The following ZNF892 variants were observed in gnomAD, a reference collection of about 807,000 sequenced individuals.
ZNF892 encodes zinc finger protein 892.
the ZNF892 span, among the ~76,000 whole-genome samples, chr2:95,210,139 A>G: frequency 2.0e-5 from 3 of 148,856 alleles, no homozygotes; most frequent in African/African-American, 7.4e-5. Flanking sequence ...ATGTGTATAC[A>G]TGTATATATG....
the ZNF892 span, among the ~76,000 whole-genome samples, chr2:95,219,751 G>A: frequency 1.3e-5 from 2 of 152,130 alleles, no homozygotes; most frequent in African/African-American, 2.4e-5. Context: ...TGTTGCAGGG[G>A]GTGCTGCCTC....
At chr2:95,232,071 G>GGAAGAGC in the ZNF892 span, 1 of 152,208 alleles carries the variant, frequency 6.6e-6, no homozygotes, top group Non-Finnish European at 1.5e-5. Context: ...GGAAAGCTGG[G>GGAAGAGC]TGGAGGAAGA....
chr2:95,231,050 A>G, the ZNF892 span, among the ~76,000 whole-genome samples: 2 of 152,240 alleles, frequency 1.3e-5, no homozygotes, highest in African/African-American at 4.8e-5. Context: ...TTTCTTATAA[A>G]GATACCCATT....
chr2:95,256,205 G>A, the ZNF892 span, among the ~76,000 whole-genome samples: 1 of 152,202 alleles, frequency 6.6e-6, no homozygotes, highest in African/African-American at 2.4e-5. Context: ...TGCAGTGGCT[G>A]GTACTGGTTG....
chr2:95,223,084 A>G, the ZNF892 span, among the ~76,000 whole-genome samples: 1 of 152,172 alleles, frequency 6.6e-6, no homozygotes, highest in Non-Finnish European at 1.5e-5. Context: ...TTTCTGTTCT[A>G]TTCCATTGAT....
the ZNF892 span, among the ~76,000 whole-genome samples, chr2:95,209,189 CAA>C: frequency 6.6e-6 from 1 of 151,882 alleles, no homozygotes; most frequent in African/African-American, 2.4e-5. Flanking sequence ...CTTTGAAAAA[CAA>C]GAGAGAGTGG....
the ZNF892 span, among the ~76,000 whole-genome samples, chr2:95,260,058 G>A: frequency 1.3e-5 from 2 of 152,198 alleles, no homozygotes; most frequent in African/African-American, 2.4e-5. Flanking sequence ...CTGTCTCCAA[G>A]ATTCACACCC....
At chr2:95,246,947 A>G in the ZNF892 span, among the ~76,000 whole-genome samples, 1 of 152,234 alleles carries the variant, frequency 6.6e-6, no homozygotes, top group African/African-American at 2.4e-5. Flanking sequence ...TAATTTATAG[A>G]TTGAATGGCA....
the ZNF892 span, among the ~76,000 whole-genome samples, chr2:95,220,025 C>G: frequency 2.0e-5 from 3 of 152,148 alleles, no homozygotes; most frequent in South Asian, 4.1e-4. Flanking sequence ...TTGGCTTCCA[C>G]TGAAACCACA....
At chr2:95,226,207 T>C in the ZNF892 span, among the ~76,000 whole-genome samples, 1 of 152,224 alleles carries the variant, frequency 6.6e-6, no homozygotes, top group Non-Finnish European at 1.5e-5. Context: ...ATGACATCCT[T>C]GGAAATCTAG....
chr2:95,253,164 C>T, the ZNF892 span, among the ~76,000 whole-genome samples: 1 of 152,276 alleles, frequency 6.6e-6, no homozygotes, highest in African/African-American at 2.4e-5. Flanking sequence ...TTGCCCATGC[C>T]TATGTCCTGA....
At chr2:95,249,381 C>T in the ZNF892 span, among the ~76,000 whole-genome samples, 4 of 148,394 alleles carry the variant, frequency 2.7e-5, no homozygotes, top group East Asian at 2.0e-4. Context: ...GCTGGGATTA[C>T]AGGCGCCCGC....
chr2:95,225,345 T>C, the ZNF892 span, among the ~76,000 whole-genome samples: 1 of 152,208 alleles, frequency 6.6e-6, no homozygotes, highest in Admixed American at 6.5e-5. Flanking sequence ...GGAAAATTTA[T>C]TGCCTCACAG....
At chr2:95,258,124 T>C in the ZNF892 span, among the ~76,000 whole-genome samples, 2 of 152,078 alleles carry the variant, frequency 1.3e-5, no homozygotes, top group Admixed American at 6.6e-5. Flanking sequence ...GGTACCTCAG[T>C]TGGAAATGCA....
the ZNF892 span, among the ~76,000 whole-genome samples, chr2:95,225,600 G>A: frequency 6.6e-6 from 1 of 152,282 alleles, no homozygotes; most frequent in Admixed American, 6.5e-5. Flanking sequence ...AGTTTTGGAG[G>A]GGGTAAACAT....
chr2:95,258,684 A>C, the ZNF892 span, among the ~76,000 whole-genome samples: 2 of 152,152 alleles, frequency 1.3e-5, no homozygotes, highest in Non-Finnish European at 2.9e-5. Context: ...TTGACTAGGC[A>C]CAACAGACAC....
At chr2:95,254,440 C>T in the ZNF892 span, among the ~76,000 whole-genome samples, 1 of 152,174 alleles carries the variant, frequency 6.6e-6, no homozygotes, top group Non-Finnish European at 1.5e-5. Flanking sequence ...CCCACTTGAT[C>T]ATGGTGGATA....
chr2:95,242,974 C>T, the ZNF892 span, among the ~76,000 whole-genome samples: 13 of 152,282 alleles, frequency 8.5e-5, no homozygotes, highest in South Asian at 8.3e-4. Flanking sequence ...CTCAGCCTGC[C>T]GAGTGTCTGC....
At chr2:95,234,101 A>G in the ZNF892 span, among the ~76,000 whole-genome samples, 1 of 152,102 alleles carries the variant, frequency 6.6e-6, no homozygotes, top group Non-Finnish European at 1.5e-5. Context: ...GGCTCACTGC[A>G]ACCTCCGCCT....
Sources: allele counts gnomAD v4.1 joint callset (sites outside exome capture counted in the v4.1 genomes callset), GRCh38; gene constraint gnomAD v4.1.1; transcripts MANE v1.5; gene names NCBI Gene and HGNC (gene_info 2026-07-23, HGNC 2026-07-21).